EGFR: variants seen among roughly 807,000 people sequenced by gnomAD.
EGFR encodes epidermal growth factor receptor, also known as avian erythroblastic leukemia viral (v-erb-b) oncogene homolog.
A neutral mutation model predicts 143.0 loss-of-function variants in EGFR; 58 were observed. The ratio of observed to expected loss-of-function variants is 0.41; its 90% CI spans 0.33 to 0.50. The LOEUF (loss-of-function observed/expected upper bound fraction) is 0.50. Ranked by LOEUF, EGFR falls within the 20% of genes least tolerant of loss-of-function variation. The probability of loss-of-function intolerance (pLI) is 0.39; values close to 1 mark genes in which losing one functional copy is unlikely to be tolerated. For missense variants in EGFR, 1,307 were observed against 1,579.0 expected, an observed-to-expected ratio of 0.83 and a Z score of 2.92; for synonymous variants, 613 against 594.4, an observed-to-expected ratio of 1.03 and a Z score of -0.45.
At chr7:55,128,795 C>T (rs192288240) in intron 1 of EGFR, among the ~76,000 whole-genome samples, 5 of 152,176 alleles carry the variant, frequency 3.3e-5, no homozygotes, top group African/African-American at 1.2e-4. Context: ...GAAACTAAAA[C>T]CTAGGGGAGA....
At chr7:55,047,337 T>C (rs1788233662) in intron 1 of EGFR, among the ~76,000 whole-genome samples, 1 of 152,268 alleles carries the variant, frequency 6.6e-6, no homozygotes, top group African/African-American at 2.4e-5. Flanking sequence ...AGTATTGTTA[T>C]GCAGGAAAAC....
chr7:55,108,984 C>G (rs1050002684), intron 1 of EGFR, among the ~76,000 whole-genome samples: 2 of 152,108 alleles, frequency 1.3e-5, no homozygotes, highest in African/African-American at 4.8e-5. Flanking sequence ...TATAAATCAG[C>G]AGGATACATT....
intron 1 of EGFR, among the ~76,000 whole-genome samples, chr7:55,110,941 G>A (rs1263198219): frequency 6.6e-6 from 1 of 152,190 alleles, no homozygotes; most frequent in African/African-American, 2.4e-5. Flanking sequence ...CTTCAGAAAA[G>A]CTTCCTTCCA....
At chr7:55,116,311 T>C (rs1036322369) in intron 1 of EGFR, among the ~76,000 whole-genome samples, 8 of 152,128 alleles carry the variant, frequency 5.3e-5, no homozygotes, top group Admixed American at 4.6e-4. Context: ...AATGCGCACA[T>C]CCCACCCCTG....
chr7:55,025,553 GA>G (rs1583853332), intron 1 of EGFR, among the ~76,000 whole-genome samples: 1 of 152,324 alleles, frequency 6.6e-6, no homozygotes, highest in African/African-American at 2.4e-5. Flanking sequence ...TGTTGAGCTT[GA>G]AGTGCTCAGA....
chr7:55,097,831 A>C (rs1051692103), intron 1 of EGFR, among the ~76,000 whole-genome samples: 1 of 152,122 alleles, frequency 6.6e-6, no homozygotes, highest in African/African-American at 2.4e-5. Flanking sequence ...AAAAAAAAAA[A>C]AGAACTGGGC....
chr7:55,207,554 C>T lies in EGFR; in HGVS notation c.*1937C>T, dbSNP rs975857662. On this transcript the variant is annotated 3_prime_UTR_variant, in exon 28 of 28. Coordinates refer to ENST00000275493, the MANE Select transcript of EGFR (RefSeq NM_005228.5). ...ACAGAGCAGGGAGGTTGGGTCCTGC[C>T]TGAGGAGACCTGGAAGGGAGGCCTC... The T allele has an allele frequency of 8.1e-5, 14 of 173,038 alleles. No individual in the cohort carries two copies. Among genetic ancestry groups the T allele is most frequent in the Non-Finnish European group, 1.6e-4 (13 of 80,092 alleles). The allele number at this position is 173,038 out of a possible 1,614,324, so 10.7% of individuals were successfully genotyped here.
At chr7:55,111,025 C>A (rs1299037176) in intron 1 of EGFR, among the ~76,000 whole-genome samples, 1 of 152,152 alleles carries the variant, frequency 6.6e-6, no homozygotes, top group African/African-American at 2.4e-5. Flanking sequence ...TGCTTTTTCC[C>A]CCCTTCCATT....
intron 20 of EGFR, 151 bp downstream of exon 20, chr7:55,181,629 A>G: frequency 1.1e-6 from 1 of 924,310 alleles, no homozygotes; most frequent in Non-Finnish European, 1.7e-6. Context: ...GATTCAATCA[A>G]GTTGATCTTC....
At chr7:55,055,756 C>T (rs949002369) in intron 1 of EGFR, among the ~76,000 whole-genome samples, 2 of 151,392 alleles carry the variant, frequency 1.3e-5, no homozygotes, top group East Asian at 1.9e-4. Flanking sequence ...ACACCAGGGT[C>T]GATGCCATCT....
In EGFR at chr7:55,143,508, A is replaced by G. The variant is rs1388129518; in HGVS notation, c.424+20A>G. 3.1e-6 allele frequency: 5 copies of G among 1,614,076 alleles called. No homozygotes were observed. The highest frequency in any genetic ancestry group is 4.2e-6 in the Non-Finnish European group (5 of 1,179,944). ...TACAGGGTGAGAGGCTGGGATGCCA[A>G]GGCTGGGGGTTCATAAATGCAGACA... is the stretch of plus-strand genomic sequence containing the variant. On this transcript the variant is annotated intron_variant, in intron 3 of 27. Transcript: ENST00000275493.
intron 15 of EGFR, chr7:55,170,955 T>C: frequency 4.2e-6 from 6 of 1,439,848 alleles, no homozygotes; most frequent in Non-Finnish European, 4.5e-6. Flanking sequence ...ACAACGCCTG[T>C]CACAGAGTAG....
chr7:55,160,313 A>G lies in EGFR; in HGVS notation c.1473A>G (p.Ile491Met), dbSNP rs2128941714. ...FGTSGQKTKI[I>M]SNRGENSCKA... Reference sequence around the variant, plus strand: ...CCTCCGGTCAGAAAACCAAAATTATAAGCAACAGAGGTGAAAACAGCTGCA... The same window carrying G: ...CCTCCGGTCAGAAAACCAAAATTATGAGCAACAGAGGTGAAAACAGCTGCA... The change falls in exon 12 of 28, where the codon ATA becomes ATG. Residue 491 changes from isoleucine (I) to methionine (M), a missense_variant. This residue lies in a region of EGFR where 250 missense variants were observed against 295.1 expected (regional missense o/e 0.85). Transcript: ENST00000275493. The G allele has an allele frequency of 6.2e-7, 1 of 1,613,618 alleles. No homozygotes were observed. The highest frequency in any genetic ancestry group is 1.1e-5 in the South Asian group (1 of 91,072).
chr7:55,178,483 G>A (rs2128956612), intron 19 of EGFR, among the ~76,000 whole-genome samples: 1 of 152,312 alleles, frequency 6.6e-6, no homozygotes, highest in South Asian at 2.1e-4. Flanking sequence ...CCGACCCATT[G>A]GGGTGAGCAG....
At chr7:55,086,821 C>T (rs1790790740) in intron 1 of EGFR, among the ~76,000 whole-genome samples, 1 of 152,206 alleles carries the variant, frequency 6.6e-6, no homozygotes, top group Non-Finnish European at 1.5e-5. Context: ...TTCTTGTTTT[C>T]CCTTCAAAGC....
intron 1 of EGFR, among the ~76,000 whole-genome samples, chr7:55,064,064 A>G (rs903344276): frequency 6.6e-6 from 1 of 152,238 alleles, no homozygotes; most frequent in East Asian, 1.9e-4. Context: ...GGACTAAAAG[A>G]AAACTTGTAA....
intron 1 of EGFR, among the ~76,000 whole-genome samples, chr7:55,061,342 C>G (rs1410299721): frequency 1.3e-5 from 2 of 152,170 alleles, no homozygotes; most frequent in Non-Finnish European, 2.9e-5. Flanking sequence ...ATGTGGGTAG[C>G]TTTTCTTCCC....
At chr7:55,042,340 A>C (rs1787943032) in intron 1 of EGFR, among the ~76,000 whole-genome samples, 1 of 152,206 alleles carries the variant, frequency 6.6e-6, no homozygotes, top group Non-Finnish European at 1.5e-5. Flanking sequence ...TAGAAGTTAC[A>C]TCCTTGCTGT....
chr7:55,170,871 G>C (rs1213929937), intron 15 of EGFR: 50 of 1,411,160 alleles, frequency 3.5e-5, no homozygotes, highest in Non-Finnish European at 4.6e-5. Flanking sequence ...GCCAGCTGTG[G>C]GACAATTATC....
Sources: gnomAD v4.1 joint callset for allele counts (sites outside exome capture counted in the v4.1 genomes callset) on GRCh38, gnomAD v4.1.1 for gene constraint, gnomAD v4.1.1 regional missense constraint, MANE v1.5 for transcripts, NCBI Gene and HGNC (gene_info 2026-07-23, HGNC 2026-07-21) for gene names.